MAGI2: variants seen among roughly 807,000 people sequenced by gnomAD.
The protein encoded by MAGI2 is membrane-associated guanylate kinase, WW and PDZ domain-containing protein 2.
In MAGI2, 35 loss-of-function variants were observed where a neutral mutation model predicts 133.3. That is an observed-to-expected ratio of 0.26 (90% CI 0.20 to 0.35). The LOEUF is 0.35. Among genes scored for constraint, MAGI2 ranks in the 10% least tolerant of loss-of-function variants. MAGI2 has a pLI of 1.00. For missense variants in MAGI2, 1,636 were observed against 1,863.4 expected, an observed-to-expected ratio of 0.88 and a Z score of 2.25; for synonymous variants, 729 against 710.6, an observed-to-expected ratio of 1.03 and a Z score of -0.41.
At chr7:79,370,892 T>C (rs954804111) in intron 1 of MAGI2, among the ~76,000 whole-genome samples, 1 of 152,082 alleles carries the variant, frequency 6.6e-6, no homozygotes, top group African/African-American at 2.4e-5. Flanking sequence ...AAGGTCAAAA[T>C]AAAATGAAAT....
At chr7:78,265,653 A>T (rs1333659858) in intron 9 of MAGI2, among the ~76,000 whole-genome samples, 3 of 152,200 alleles carry the variant, frequency 2.0e-5, no homozygotes, top group Non-Finnish European at 4.4e-5. Context: ...CTGTGGACTC[A>T]ACCACATATT....
intron 10 of MAGI2, among the ~76,000 whole-genome samples, chr7:78,214,157 G>T (rs1220123168): frequency 6.6e-6 from 1 of 152,158 alleles, no homozygotes; most frequent in Non-Finnish European, 1.5e-5. Flanking sequence ...CCACTGATTT[G>T]TCTATTTCAG....
At chr7:78,587,217 C>A (rs984626702) in intron 3 of MAGI2, among the ~76,000 whole-genome samples, 17 of 152,320 alleles carry the variant, frequency 1.1e-4, no homozygotes, top group African/African-American at 3.1e-4. Flanking sequence ...AGAGTTCCAA[C>A]TTCTCCATAC....
intron 2 of MAGI2, among the ~76,000 whole-genome samples, chr7:78,840,330 G>A (rs544364365): frequency 1.6e-4 from 24 of 152,128 alleles, no homozygotes; most frequent in Non-Finnish European, 2.9e-4. Flanking sequence ...CATACAATAC[G>A]TTGAGTATGA....
chr7:78,890,223 A>G (rs1796627359), intron 2 of MAGI2, among the ~76,000 whole-genome samples: 2 of 152,222 alleles, frequency 1.3e-5, no homozygotes, highest in Non-Finnish European at 2.9e-5. Context: ...CCAGATTCAT[A>G]AAGCAAGTCC....
intron 1 of MAGI2, among the ~76,000 whole-genome samples, chr7:79,408,047 A>G (rs376632163): frequency 6.6e-6 from 1 of 152,122 alleles, no homozygotes; most frequent in East Asian, 1.9e-4. Flanking sequence ...ACTTTGGTAC[A>G]GCTTCTCTGA....
rs1326870694 is a variant in MAGI2, at chr7:78,694,414, T to G, written c.419-67175A>C. On this transcript the variant is annotated intron_variant, in intron 2 of 21. Transcript: ENST00000354212. ...GAGTTCTTCTGTCTCCCATTTGAAG[T>G]AGTCCTAGAATTAAGGATTTTCTTT... 4.6e-5 allele frequency among the ~76,000 whole-genome samples: 7 copies of G among 152,276 alleles called. No homozygotes were observed. The East Asian group carries it at 1.4e-3, about 29-fold the overall frequency.
At chr7:78,490,667 T>C (rs75137014) in intron 5 of MAGI2, among the ~76,000 whole-genome samples, 6,256 of 152,048 alleles carry the variant, frequency 0.041, 297 homozygotes, top group African/African-American at 0.11. Context: ...ATAAGAATCT[T>C]TGAGGTGGGG....
At chr7:78,581,974 T>G (rs1476235742) in intron 3 of MAGI2, among the ~76,000 whole-genome samples, 1 of 152,152 alleles carries the variant, frequency 6.6e-6, no homozygotes, top group East Asian at 1.9e-4. Context: ...ACCTCTTACA[T>G]GAGAATCTTA....
chr7:79,043,718 C>T (rs1267518143), intron 1 of MAGI2, among the ~76,000 whole-genome samples: 1 of 151,844 alleles, frequency 6.6e-6, no homozygotes, highest in Non-Finnish European at 1.5e-5. Flanking sequence ...AAGACATTTA[C>T]CACTGGCCCC....
In MAGI2 at chr7:78,792,989, G is replaced by A. The variant is rs576851146; in HGVS notation, c.419-165750C>T. Among the ~76,000 whole-genome samples, 4 of 152,328 alleles carry A rather than the reference G, an allele frequency of 2.6e-5. No individual in the cohort carries two copies. The East Asian group carries it at 7.7e-4, about 29-fold the overall frequency. ...CTGGCTCCATGTCTTTCAGGCACATGCTACATTTCCCAATTTCCTTTGAAT... is the reference window on the plus strand; with the variant it reads ...CTGGCTCCATGTCTTTCAGGCACATACTACATTTCCCAATTTCCTTTGAAT... On this transcript the variant is annotated intron_variant, in intron 2 of 21. Coordinates refer to ENST00000354212, the MANE Select transcript of MAGI2 (RefSeq NM_012301.4).
intron 10 of MAGI2, among the ~76,000 whole-genome samples, chr7:78,221,140 C>T (rs2150838924): frequency 6.6e-6 from 1 of 152,306 alleles, no homozygotes; most frequent in Non-Finnish European, 1.5e-5. Context: ...TAACTCCCCT[C>T]TAAAGTCTCC....
intron 1 of MAGI2, among the ~76,000 whole-genome samples, chr7:79,254,181 ACTGT>A (rs1833524105): frequency 6.6e-6 from 1 of 152,070 alleles, no homozygotes; most frequent in South Asian, 2.1e-4. Context: ...CTTTCTGTGA[ACTGT>A]CTGTTCATAT....
Position 79,001,783 on chromosome 7 carries a change from G to A in MAGI2, c.418+5307C>T, listed in dbSNP as rs577480362. 5.9e-4 allele frequency among the ~76,000 whole-genome samples: 89 copies of A among 152,126 alleles called. 1 individual carries two copies. The Middle Eastern group carries it at 0.017, about 29-fold the overall frequency. On this transcript the variant is annotated intron_variant, in intron 2 of 21. Transcript: ENST00000354212. ...ATATTTTCGAATCCATATTACCCAA[G>A]AGACAATGCATGCTGCCTTAACTTT... is the stretch of plus-strand genomic sequence containing the variant.
intron 15 of MAGI2, among the ~76,000 whole-genome samples, chr7:78,165,461 T>C (rs1295549019): frequency 6.6e-6 from 1 of 152,242 alleles, no homozygotes; most frequent in South Asian, 2.1e-4. Context: ...ACGTGTTCTC[T>C]TTCTTGAGCA....
intron 7 of MAGI2, among the ~76,000 whole-genome samples, chr7:78,346,737 T>C (rs1461143445): frequency 6.6e-6 from 1 of 152,184 alleles, no homozygotes; most frequent in Non-Finnish European, 1.5e-5. Context: ...TATAGCAGGC[T>C]GTTTGAAATG....
At chr7:78,975,583 T>G (rs1804174669) in intron 2 of MAGI2, among the ~76,000 whole-genome samples, 1 of 151,620 alleles carries the variant, frequency 6.6e-6, no homozygotes, top group Non-Finnish European at 1.5e-5. Flanking sequence ...AGAAAAGATC[T>G]AAAATTAATA....
rs576548805 is a variant in MAGI2 at position 78,759,488 on chromosome 7, C to T, written c.419-132249G>A. 1.6e-3 allele frequency among the ~76,000 whole-genome samples: 246 copies of T among 151,960 alleles called. 2 individuals carry two copies. Among genetic ancestry groups the T allele is most frequent in the South Asian group, 0.011 (54 of 4,808 alleles). ...ATTAAATCTTTAAAATTTGTGTAAC[C>T]AAAAGGAGAATTTTTAAAAGTTAAT... On this transcript the variant is annotated intron_variant, in intron 2 of 21. Transcript: ENST00000354212.
chr7:78,574,306 C>T (rs1802042153), intron 3 of MAGI2, among the ~76,000 whole-genome samples: 1 of 152,214 alleles, frequency 6.6e-6, no homozygotes, highest in Non-Finnish European at 1.5e-5. Context: ...ATTTCTGTTG[C>T]TCCCATCAGT....
Sources: gnomAD v4.1 joint callset for allele counts (sites outside exome capture counted in the v4.1 genomes callset) on GRCh38, gnomAD v4.1.1 for gene constraint, MANE v1.5 for transcripts, NCBI Gene and HGNC (gene_info 2026-07-23, HGNC 2026-07-21) for gene names.